The following ACOT1 variants were observed in gnomAD, a reference collection of about 807,000 sequenced individuals.
The protein encoded by ACOT1 is acyl-coenzyme A thioesterase 1.
In ACOT1, 8 loss-of-function variants were observed where a neutral mutation model predicts 15.7. The ratio of observed to expected loss-of-function variants is 0.51; its 90% CI spans 0.30 to 0.92. The LOEUF is 0.92. ACOT1 is among the 40% of genes least tolerant of loss of function. ACOT1 has a pLI of 0.06. For missense variants in ACOT1, 151 were observed against 539.4 expected (o/e 0.28, Z 7.13); for synonymous variants, 67 against 241.2 (o/e 0.28, Z 6.69).
upstream of ACOT1, among the ~76,000 whole-genome samples, chr14:73,536,427 T>G (rs1241594410): frequency 1.1e-3 from 119 of 106,754 alleles, 26 homozygotes; most frequent in African/African-American, 3.3e-3. Context: ...AAGATGGCTT[T>G]AGCCCAGGAG....
chr14:73,510,063 G>A, the ACOT1 span, among the ~76,000 whole-genome samples: 294 of 150,476 alleles, frequency 2.0e-3, no homozygotes, highest in African/African-American at 7.1e-3. Flanking sequence ...GGATTTCACC[G>A]TGTTAGCCAG....
the ACOT1 span, chr14:73,500,696 C>T: frequency 6.2e-7 from 1 of 1,614,094 alleles, no homozygotes; most frequent in African/African-American, 1.3e-5. Context: ...AGAGCTTCCA[C>T]ACGCTCCTGG....
the ACOT1 span, among the ~76,000 whole-genome samples, chr14:73,509,116 C>G: frequency 6.6e-6 from 1 of 152,124 alleles, no homozygotes; most frequent in Non-Finnish European, 1.5e-5. Flanking sequence ...ATCCTGTCGC[C>G]TTGGCCTCCC....
the ACOT1 span, chr14:73,521,158 A>G: frequency 2.4e-6 from 2 of 817,928 alleles, no homozygotes; most frequent in Non-Finnish European, 3.9e-6. Flanking sequence ...ACACGTGAGC[A>G]TTGCAGAACA....
chr14:73,494,796 G>A, the ACOT1 span, among the ~76,000 whole-genome samples: 1 of 152,060 alleles, frequency 6.6e-6, no homozygotes, highest in Admixed American at 6.6e-5. Context: ...CCTGGCCTGG[G>A]GTGATCCTCC....
Position 73,537,362 on chromosome 14 carries a change from G to A in ACOT1, c.-60G>A, listed in dbSNP as rs554663507. 1 of 1,200,380 alleles carries A rather than the reference G, an allele frequency of 8.3e-7. No individual in the cohort carries two copies. Among genetic ancestry groups the A allele is most frequent in the Non-Finnish European group, 1.1e-6 (1 of 903,008 alleles). 74.4% of individuals were successfully genotyped at this position (1,200,380 alleles called of 1,614,324 possible). Reference sequence around the variant, plus strand: ...GCAGCCCGAGAGGAAGAGTTGGGCAGAGTTGCAGGGGTCTCCACAGCTGAG... The same window carrying A: ...GCAGCCCGAGAGGAAGAGTTGGGCAAAGTTGCAGGGGTCTCCACAGCTGAG... On this transcript the variant is annotated 5_prime_UTR_variant, in exon 1 of 3. Coordinates refer to ENST00000311148, the MANE Select transcript of ACOT1 (RefSeq NM_001037161.2).
chr14:73,537,248 A>G lies in ACOT1; in HGVS notation c.-174A>G, dbSNP rs1230637332. 5.6e-6 allele frequency: 3 copies of G among 533,512 alleles called. 1 individual carries two copies. Among genetic ancestry groups the G allele is most frequent in the South Asian group, 4.8e-5 (2 of 41,826 alleles). The allele number at this position is 533,512 out of a possible 1,614,324, so 33.0% of individuals were successfully genotyped here. ...ACTTTAAGCAAGTTCCAGTGTGTCT[A>G]TATTTGGTCTGGCTGATCGGCTGGA... On this transcript the variant is annotated 5_prime_UTR_variant, in exon 1 of 3. Coordinates refer to ENST00000311148, the MANE Select transcript of ACOT1 (RefSeq NM_001037161.2).
the ACOT1 span, among the ~76,000 whole-genome samples, chr14:73,508,515 A>C: frequency 4.6e-5 from 7 of 152,114 alleles, no homozygotes; most frequent in Non-Finnish European, 1.0e-4. Flanking sequence ...TTGGGAGGCC[A>C]AGGTGGGCGG....
At chr14:73,496,749 T>C in the ACOT1 span, 13 of 857,544 alleles carry the variant, frequency 1.5e-5, no homozygotes, top group Middle Eastern at 3.0e-4. Flanking sequence ...GTAGAAAATA[T>C]AGGACTTGGA....
At chr14:73,520,633 G>A in the ACOT1 span, 3 of 485,278 alleles carry the variant, frequency 6.2e-6, no homozygotes, top group African/African-American at 2.0e-5. Flanking sequence ...TAAGATAGAG[G>A]GATAGAGAAA....
the ACOT1 span, among the ~76,000 whole-genome samples, chr14:73,524,710 T>A: frequency 6.6e-6 from 1 of 150,776 alleles, no homozygotes; most frequent in Non-Finnish European, 1.5e-5. Context: ...CGTGCCACAC[T>A]GGCCTTGGCC....
At chr14:73,512,101 C>T in the ACOT1 span, 1 of 1,614,042 alleles carries the variant, frequency 6.2e-7, no homozygotes, top group African/African-American at 1.3e-5. Context: ...ATGCAGGTCT[C>T]CCAAGCTCTG....
the ACOT1 span, among the ~76,000 whole-genome samples, chr14:73,527,961 CAAAAAAA>C: frequency 0.011 from 602 of 52,728 alleles, 1 homozygote; most frequent in Admixed American, 0.019. Context: ...AACTCCATCT[CAAAAAAA>C]AAAAAAAAAA....
At chr14:73,492,691 G>T in the ACOT1 span, 1 of 1,614,006 alleles carries the variant, frequency 6.2e-7, no homozygotes, top group East Asian at 2.2e-5. The surrounding 1 kb of genome is among the most constrained non-coding windows in gnomAD (Gnocchi z 4.9). Context: ...TAGCTCGGCT[G>T]GTGGGTGAGG....
chr14:73,524,433 A>G, the ACOT1 span, among the ~76,000 whole-genome samples: 1 of 150,444 alleles, frequency 6.6e-6, no homozygotes, highest in South Asian at 2.1e-4. Context: ...CATGGCAAAC[A>G]CTGTAGATAA....
At chr14:73,498,144 T>G in the ACOT1 span, 1 of 1,600,176 alleles carries the variant, frequency 6.2e-7, no homozygotes, top group Admixed American at 1.7e-5. Flanking sequence ...AGCCAGAGGT[T>G]TAGTGCTTAC....
chr14:73,498,069 T>A, the ACOT1 span: 3 of 1,299,986 alleles, frequency 2.3e-6, no homozygotes, highest in Non-Finnish European at 3.2e-6. Context: ...TTAGGTAGCC[T>A]GGAAAGGCAG....
the ACOT1 span, chr14:73,492,184 C>G: frequency 1.2e-6 from 2 of 1,613,966 alleles, no homozygotes; most frequent in South Asian, 1.1e-5. The surrounding 1 kb of genome is among the most constrained non-coding windows in gnomAD (Gnocchi z 4.9). Context: ...TGCTGCAGAC[C>G]GTGCTGGAAC....
chr14:73,499,033 T>G, the ACOT1 span: 6 of 1,564,710 alleles, frequency 3.8e-6, no homozygotes, highest in Non-Finnish European at 5.3e-6. Flanking sequence ...GCAAAGGTAT[T>G]TAAGGTTGAA....
Sources: gnomAD v4.1 joint callset for allele counts (sites outside exome capture counted in the v4.1 genomes callset) on GRCh38, gnomAD v4.1.1 for gene constraint, Gnocchi (gnomAD v3.1) non-coding constraint, MANE v1.5 for transcripts, NCBI Gene and HGNC (gene_info 2026-07-23, HGNC 2026-07-21) for gene names.